The following BPTF variants were observed in gnomAD, a reference collection of about 807,000 sequenced individuals.
BPTF encodes nucleosome-remodeling factor subunit BPTF.
BPTF carries 18 observed loss-of-function variants against 292.5 expected under a neutral mutation model. The ratio of observed to expected loss-of-function variants is 0.06; its 90% CI spans 0.04 to 0.09. The LOEUF (loss-of-function observed/expected upper bound fraction) is 0.09. Among genes scored for constraint, BPTF ranks in the 10% least tolerant of loss-of-function variants. BPTF has a pLI of 1.00. For missense variants in BPTF, 2,726 were observed against 3,498.7 expected, an observed-to-expected ratio of 0.78 and a Z score of 5.57; for synonymous variants, 1,225 against 1,251.9, an observed-to-expected ratio of 0.98 and a Z score of 0.45.
intron 26 of BPTF, chr17:67,975,268 C>G (rs6416957): frequency 0.92 from 140,103 of 152,180 alleles, 65,631 homozygotes; most frequent in East Asian, 1. Context: ...ACTTATCAAT[C>G]CAGTCATGAA....
intron 7 of BPTF, among the ~76,000 whole-genome samples, chr17:67,898,374 T>C (rs943112214): frequency 1.3e-5 from 2 of 152,182 alleles, no homozygotes; most frequent in Admixed American, 1.3e-4. Context: ...AAGAAAAAAG[T>C]TGAAGAAAGG....
At position 67,911,765 on chromosome 17, in the gene BPTF, A is replaced by G; in HGVS notation, c.3881A>G (p.Asp1294Gly). The G allele has an allele frequency of 6.2e-7, 1 of 1,614,198 alleles. No individual in the cohort carries two copies. The change falls in exon 11 of 28, where the codon GAT becomes GGT. Residue 1294 changes from aspartate to glycine, a missense_variant. Physicochemically the swap from Asp to Gly is moderately conservative, Grantham distance 94. Coordinates refer to ENST00000306378, the MANE Select transcript of BPTF (RefSeq NM_182641.4). ...ESNSTLENSS[D>G]TVSIQDSSEE... ...AATAGCACTTTGGAAAATAGTTCTG[A>G]TACCGTGTCTATTCAGGATAGCAGT...
intron 24 of BPTF, chr17:67,960,501 G>C (rs564271465): frequency 6.6e-6 from 1 of 152,304 alleles, no homozygotes; most frequent in East Asian, 1.9e-4. Flanking sequence ...GTTTTTGACA[G>C]TTGTGACTTG....
chr17:67,973,170 T>C (rs1568223136), intron 26 of BPTF, among the ~76,000 whole-genome samples: 1 of 149,272 alleles, frequency 6.7e-6, no homozygotes, highest in Admixed American at 6.8e-5. Flanking sequence ...GTCAGGAGAT[T>C]GAGACCATCC....
At chr17:67,927,779 T>G (rs1190815392) in intron 15 of BPTF, among the ~76,000 whole-genome samples, 1 of 152,210 alleles carries the variant, frequency 6.6e-6, no homozygotes, top group Admixed American at 6.5e-5. Flanking sequence ...TTAGTACTTT[T>G]AATGTAATAT....
chr17:67,982,097 A>C (rs1555696911), intron 27 of BPTF, 155 bp from the exon 28 acceptor site: 3 of 713,128 alleles, frequency 4.2e-6, no homozygotes, highest in Non-Finnish European at 7.6e-6. Flanking sequence ...ATAGGTTAAA[A>C]TTTTCTTAAT....
intron 24 of BPTF, chr17:67,963,276 G>C: frequency 6.9e-7 from 1 of 1,448,456 alleles, no homozygotes; most frequent in South Asian, 1.4e-5. Context: ...ACAGATTTAA[G>C]TACCATGCAG....
intron 1 of BPTF, among the ~76,000 whole-genome samples, chr17:67,841,011 A>C (rs752556972): frequency 6.6e-6 from 1 of 152,108 alleles, no homozygotes; most frequent in African/African-American, 2.4e-5. Context: ...ATAAGTTTTA[A>C]ATTTTGATAA....
At chr17:67,956,329 A>AAAG (rs2066937270) in intron 23 of BPTF, 3 of 150,802 alleles carry the variant, frequency 2.0e-5, no homozygotes, top group Non-Finnish European at 1.5e-5. Context: ...AAAAAAAAAA[A>AAAG]AAAAAAAAGA....
intron 23 of BPTF, among the ~76,000 whole-genome samples, chr17:67,953,742 A>ATT (rs373601884): frequency 1.4e-3 from 213 of 149,134 alleles, no homozygotes; most frequent in African/African-American, 5.1e-3. Flanking sequence ...TGCCCAGCTA[A>ATT]TTTTTTTGTG....
intron 11 of BPTF, among the ~76,000 whole-genome samples, chr17:67,917,617 T>TTTAA (rs376041236): frequency 0.014 from 2,047 of 151,268 alleles, 23 homozygotes; most frequent in Admixed American, 0.019. Context: ...TTTGGTTTAA[T>TTTAA]TTAATTAATT....
intron 27 of BPTF, among the ~76,000 whole-genome samples, chr17:67,977,329 A>G (rs1436180008): frequency 1.3e-5 from 2 of 151,984 alleles, no homozygotes; most frequent in African/African-American, 2.4e-5. Context: ...ATCCAGACCA[A>G]CATGGCAAAA....
At chr17:67,876,056 A>G (rs1416157108) in intron 4 of BPTF, among the ~76,000 whole-genome samples, 1 of 152,188 alleles carries the variant, frequency 6.6e-6, no homozygotes, top group African/African-American at 2.4e-5. Context: ...CTTATGTACT[A>G]ATGGCTCAAT....
intron 3 of BPTF, among the ~76,000 whole-genome samples, chr17:67,868,275 G>A (rs1473863415): frequency 1.3e-5 from 2 of 152,026 alleles, no homozygotes; most frequent in Non-Finnish European, 2.9e-5. Flanking sequence ...TTCTCCAGAG[G>A]CAATCATTAT....
At chr17:67,828,584 A>G (rs1439528541) in intron 1 of BPTF, among the ~76,000 whole-genome samples, 2 of 152,310 alleles carry the variant, frequency 1.3e-5, no homozygotes, top group East Asian at 3.9e-4. Context: ...GCTGGAGTGC[A>G]ATGGCACAAT....
chr17:67,885,154 C>CA (rs1202638573), intron 4 of BPTF, among the ~76,000 whole-genome samples: 3 of 152,110 alleles, frequency 2.0e-5, no homozygotes, highest in African/African-American at 7.2e-5. Flanking sequence ...TTGTCAGTGG[C>CA]AAAAACAAAG....
chr17:67,926,911 C>CA (rs1568093402), intron 15 of BPTF, among the ~76,000 whole-genome samples: 2 of 146,556 alleles, frequency 1.4e-5, no homozygotes. Flanking sequence ...TTGCCTCCCT[C>CA]TTTTTTTTTT....
At chr17:67,888,815 G>A (rs1407293739) in intron 4 of BPTF, among the ~76,000 whole-genome samples, 1 of 152,104 alleles carries the variant, frequency 6.6e-6, no homozygotes, top group East Asian at 1.9e-4. Flanking sequence ...AGGCCATTCT[G>A]TTTTACCTGC....
chr17:67,936,376 A>G (rs1311847320), intron 18 of BPTF, among the ~76,000 whole-genome samples: 1 of 152,242 alleles, frequency 6.6e-6, no homozygotes, highest in Non-Finnish European at 1.5e-5. Flanking sequence ...ATAAAGGAGA[A>G]AGTGCAATTT....
Sources: gnomAD v4.1 joint callset for allele counts (sites outside exome capture counted in the v4.1 genomes callset) on GRCh38, gnomAD v4.1.1 for gene constraint, MANE v1.5 for transcripts, NCBI Gene and HGNC (gene_info 2026-07-23, HGNC 2026-07-21) for gene names.